EPN3: variants seen among roughly 807,000 people sequenced by gnomAD.
EPN3 encodes the protein epsin 3.
Under a neutral mutation model 55.5 loss-of-function variants are expected in EPN3, and 56 were observed. That is an observed-to-expected ratio of 1.01 (90% CI 0.81 to 1.26). The LOEUF is 1.26. Among genes scored for constraint, EPN3 ranks in the 50% most tolerant of loss-of-function variants. The pLI is 0.00. For synonymous variants in EPN3, 449 were observed against 375.2 expected (o/e 1.20, Z -2.27); for missense variants, 927 against 853.4 (o/e 1.09, Z -1.07).
chr17:50,533,533 G>A (rs867479779), intron 1 of EPN3, among the ~76,000 whole-genome samples: 14 of 152,280 alleles, frequency 9.2e-5, no homozygotes, highest in Non-Finnish European at 1.5e-4. Flanking sequence ...CAGACTTTAC[G>A]CAAACTCATG....
intron 1 of EPN3, among the ~76,000 whole-genome samples, chr17:50,533,909 G>A (rs1391109431): frequency 6.6e-6 from 1 of 152,146 alleles, no homozygotes; most frequent in African/African-American, 2.4e-5. Context: ...ATACCCAGCT[G>A]CCCAGGGCTG....
chr17:50,542,100 G>C lies in EPN3; in HGVS notation c.1842G>C (p.Pro614=). ...AFAPQPLLPT[P]SSAGPRPPPP... Reference sequence around the variant, plus strand: ...CACCGCAGCCGCTGCTGCCCACGCCGAGCTCAGCCGGGCCGCGGCCCCCGC... The same window carrying C: ...CACCGCAGCCGCTGCTGCCCACGCCCAGCTCAGCCGGGCCGCGGCCCCCGC... Residue 614 remains proline, a synonymous_variant, in exon 10 of 10, where the codon CCG becomes CCC. Transcript: ENST00000268933. The C allele has an allele frequency of 1.3e-6, 2 of 1,557,004 alleles. No individual in the cohort carries two copies. Among genetic ancestry groups the C allele is most frequent in the Non-Finnish European group, 1.7e-6 (2 of 1,161,764 alleles).
chr17:50,535,887 AG>A (rs1440852143), intron 1 of EPN3: 1 of 152,390 alleles, frequency 6.6e-6, no homozygotes, highest in African/African-American at 2.4e-5. Context: ...GTGGCCGAGC[AG>A]AAGCAAGGCA....
rs1487074078 is a variant in EPN3 at position 50,540,906 on chromosome 17, C to A, written c.1093C>A (p.Pro365Thr). The A allele has an allele frequency of 6.2e-7, 1 of 1,614,176 alleles. No individual in the cohort carries two copies. Among genetic ancestry groups the A allele is most frequent in the Admixed American group, 1.7e-5 (1 of 60,032 alleles). ...LSRSQPWDLT[P>T]MLSSSEPWGR... ...CCGAAGCCAGCCCTGGGATCTGACTCCCATGCTCTCCTCCTCTGAGCCCTG... is the reference window on the plus strand; with the variant it reads ...CCGAAGCCAGCCCTGGGATCTGACTACCATGCTCTCCTCCTCTGAGCCCTG... The change falls in exon 7 of 10, where the codon CCC becomes ACC. Residue 365 changes from proline to threonine, a missense_variant. By Grantham distance (38) the Pro-to-Thr change is conservative. Transcript: ENST00000268933.
Position 50,536,827 on chromosome 17 carries a change from C to A in EPN3, c.271C>A (p.Arg91=). Residue 91 remains arginine (R), a synonymous_variant, in exon 2 of 10, where the codon CGG becomes AGG. Transcript: ENST00000268933. ...CTACCTGCTCAAGACGGGCTCCGAG[C>A]GGGTGGCCCACCAGTGCCGCGAGAA... ...LDYLLKTGSE[R]VAHQCRENLY... 1 of 1,614,082 alleles carries A rather than the reference C, an allele frequency of 6.2e-7. No homozygotes were observed. The highest frequency in any genetic ancestry group is 1.7e-5 in the Admixed American group (1 of 60,020).
chr17:50,535,339 T>C (rs1292642532), intron 1 of EPN3, among the ~76,000 whole-genome samples: 1 of 152,192 alleles, frequency 6.6e-6, no homozygotes, highest in Non-Finnish European at 1.5e-5. Context: ...TGGATGGTAG[T>C]CCAGGCTCTG....
chr17:50,541,934 T>C lies in EPN3; in HGVS notation c.1676T>C (p.Leu559Pro). ...LNQMRTGSPA[L>P]GLAGGPVGAP... ...CAGATGCGCACCGGCTCGCCGGCGCTGGGCCTGGCAGGCGGGCCTGTGGGG... is the reference window on the plus strand; with the variant it reads ...CAGATGCGCACCGGCTCGCCGGCGCCGGGCCTGGCAGGCGGGCCTGTGGGG... Residue 559 changes from leucine (L) to proline (P), a missense_variant, in exon 10 of 10, where the codon CTG (leucine) becomes CCG (proline). By Grantham distance (98) the Leu-to-Pro change is moderately conservative. Transcript: ENST00000268933. 3 of 1,599,138 alleles carry C rather than the reference T, an allele frequency of 1.9e-6. No individual in the cohort carries two copies. Among genetic ancestry groups the C allele is most frequent in the Non-Finnish European group, 2.5e-6 (3 of 1,178,200 alleles).
Position 50,536,944 on chromosome 17 carries a change from G to T in EPN3, c.388G>T (p.Val130Leu). The change falls in exon 2 of 10, where the codon GTG (valine) becomes TTG (leucine). Residue 130 changes from valine (V) to leucine (L), a missense_variant. Val to Leu is a conservative substitution (Grantham distance 32). Coordinates refer to ENST00000268933, the MANE Select transcript of EPN3 (RefSeq NM_017957.3). ...CAACGTGCGCGAGAAGGTCAAGCAG[G>T]TGATGGCCCTGCTCAAGGATGAGGA... is the stretch of plus-strand genomic sequence containing the variant. Reference protein sequence around the residue: ...GVNVREKVKQVMALLKDEERL... With the variant: ...GVNVREKVKQLMALLKDEERL... The T allele has an allele frequency of 6.2e-7, 1 of 1,614,120 alleles. No individual in the cohort carries two copies. The highest frequency in any genetic ancestry group is 8.5e-7 in the Non-Finnish European group (1 of 1,180,046).
intron 5 of EPN3, 67 bp downstream of exon 5, chr17:50,539,382 G>C (rs1338693309): frequency 6.2e-7 from 1 of 1,605,566 alleles, no homozygotes; most frequent in East Asian, 2.2e-5. Flanking sequence ...TTTGTAAAGA[G>C]AGAGCAGAGC....
chr17:50,541,490 C>T lies in EPN3; in HGVS notation c.1381C>T (p.Pro461Ser), dbSNP rs139549578. The stretch of plus-strand genomic sequence containing the variant: ...GCTGGACCTGTTTGGAGACCCCAGC[C>T]CCAGTTCCAAGCAAAATGGCACGAA... Reference protein sequence around the residue: ...VELDLFGDPSPSSKQNGTKEP... With the variant: ...VELDLFGDPSSSSKQNGTKEP... The change falls in exon 9 of 10, where the codon CCC (proline) becomes TCC (serine). Residue 461 changes from proline (P) to serine (S), a missense_variant. Pro to Ser is a moderately conservative substitution (Grantham distance 74). Transcript: ENST00000268933. The T allele has an allele frequency of 8.9e-4, 1,444 of 1,614,122 alleles. 15 individuals carry two copies. In the African/African-American group the frequency reaches 0.018, roughly 20 times the overall value.
At chr17:50,541,420 C>T in intron 8 of EPN3, 44 bp from the exon 9 acceptor site, 1 of 1,609,752 alleles carries the variant, frequency 6.2e-7, no homozygotes, top group Non-Finnish European at 8.5e-7. Flanking sequence ...ACGTCGGGCG[C>T]CAATCCCTTT....
intron 1 of EPN3, 104 bp downstream of exon 1, chr17:50,533,089 G>C: frequency 4.4e-6 from 3 of 687,470 alleles, no homozygotes; most frequent in Admixed American, 3.3e-5. Flanking sequence ...TTCCAGGTGC[G>C]AGGGAGAAGG....
At chr17:50,537,575 C>T (rs1200242843) in intron 2 of EPN3, 2 of 199,622 alleles carry the variant, frequency 1.0e-5, no homozygotes, top group East Asian at 2.7e-4. Context: ...CCCCTTCATC[C>T]CCCTACCTGA....
intron 1 of EPN3, among the ~76,000 whole-genome samples, chr17:50,533,388 A>AC (rs1200324811): frequency 6.6e-6 from 1 of 151,834 alleles, no homozygotes; most frequent in African/African-American, 2.4e-5. Flanking sequence ...GTTCAAGCTC[A>AC]CCCCCTGTCC....
intron 1 of EPN3, among the ~76,000 whole-genome samples, chr17:50,533,722 G>A (rs1216449931): frequency 1.3e-5 from 2 of 152,148 alleles, no homozygotes; most frequent in Non-Finnish European, 2.9e-5. Context: ...CTGTATGCAG[G>A]AGAGAGCTGA....
chr17:50,539,516 G>C (rs568373504), intron 5 of EPN3, among the ~76,000 whole-genome samples: 2 of 152,200 alleles, frequency 1.3e-5, no homozygotes, highest in African/African-American at 4.8e-5. Flanking sequence ...GATGCAAAAG[G>C]TTCCTGATTG....
chr17:50,538,292 C>T, intron 3 of EPN3, 95 bp downstream of exon 3: 1 of 950,498 alleles, frequency 1.1e-6, no homozygotes, highest in East Asian at 2.6e-5. Flanking sequence ...CTCTGTCACC[C>T]AAAGCCCCAG....
rs755483203 is a variant in EPN3 at position 50,542,110 on chromosome 17, G to C, written c.1852G>C (p.Gly618Arg). Residue 618 changes from glycine (G) to arginine (R), a missense_variant, in exon 10 of 10, where the codon GGG becomes CGG. By Grantham distance (125) the Gly-to-Arg change is moderately radical. Transcript: ENST00000268933. The part of the protein sequence containing the change: ...QPLLPTPSSA[G>R]PRPPPPQTGT... ...GCTGCTGCCCACGCCGAGCTCAGCCGGGCCGCGGCCCCCGCCCCCGCAGAC... is the reference window on the plus strand; with the variant it reads ...GCTGCTGCCCACGCCGAGCTCAGCCCGGCCGCGGCCCCCGCCCCCGCAGAC... The C allele has an allele frequency of 3.9e-6, 6 of 1,539,472 alleles. No individual in the cohort carries two copies. The Admixed American group carries it at 9.5e-5, about 24-fold the overall frequency.
At chr17:50,537,258 G>A (rs1454864443) in intron 2 of EPN3, 140 bp downstream of exon 2, 2 of 870,042 alleles carry the variant, frequency 2.3e-6, no homozygotes, top group African/African-American at 1.7e-5. Context: ...TAACACGCAA[G>A]GCGCAACACC....
Sources: gnomAD v4.1 joint callset for allele counts (sites outside exome capture counted in the v4.1 genomes callset) on GRCh38, gnomAD v4.1.1 for gene constraint, MANE v1.5 for transcripts, NCBI Gene and HGNC (gene_info 2026-07-23, HGNC 2026-07-21) for gene names.